Variants in KIRREL3 observed in about 807,000 individuals in gnomAD.
The protein encoded by KIRREL3 is kin of IRRE-like protein 3.
KIRREL3 carries 36 observed loss-of-function variants against 89.7 expected under a neutral mutation model. The observed-to-expected ratio is 0.40, with a 90% CI of 0.31 to 0.53. The LOEUF (loss-of-function observed/expected upper bound fraction) is 0.53, where lower values mean the gene tolerates loss of function less well. KIRREL3 is among the 20% of genes least tolerant of loss of function. The pLI, the probability that KIRREL3 is intolerant of heterozygous loss-of-function variation, is 0.49. For missense variants in KIRREL3, 864 were observed against 1,056.6 expected (o/e 0.82, Z 2.53); for synonymous variants, 445 against 441.4 (o/e 1.01, Z -0.10).
chr11:126,689,042 A>AAGAGAG lies in KIRREL3; in HGVS notation c.56-126136_56-126131dup, dbSNP rs58257040. On this transcript the variant is annotated intron_variant, in intron 1 of 16. Transcript: ENST00000525144. This position sits in a 1 kb window ranked among gnomAD's most constrained non-coding sequence, Gnocchi z 5.2. ...ATGTGTGTGTGTGTAAGGGGGAGAG[A>AAGAGAG]AGAGAGAGAGAGAGAGAGAGAGAGA... Among the ~76,000 whole-genome samples, 2,757 of 129,748 alleles carry AAGAGAG rather than the reference A, an allele frequency of 0.021. 72 individuals carry two copies. Among genetic ancestry groups the AAGAGAG allele is most frequent in the East Asian group, 0.062 (267 of 4,338 alleles). 85.1% of individuals were successfully genotyped at this position (129,748 alleles called of 152,430 possible).
At chr11:126,810,165 A>G (rs1951333290) in intron 1 of KIRREL3, among the ~76,000 whole-genome samples, 1 of 152,164 alleles carries the variant, frequency 6.6e-6, no homozygotes, top group Admixed American at 6.5e-5. Flanking sequence ...CTAAGAGCAT[A>G]TAGTTCACAT....
Position 126,769,531 on chromosome 11 carries a change from T to C in KIRREL3, c.56-206619A>G, listed in dbSNP as rs763140251. Among the ~76,000 whole-genome samples the C allele has an allele frequency of 6.6e-6, 1 of 152,266 alleles. No individual in the cohort carries two copies. Among genetic ancestry groups the C allele is most frequent in the Non-Finnish European group, 1.5e-5 (1 of 68,038 alleles). On this transcript the variant is annotated intron_variant, in intron 1 of 16. Coordinates refer to ENST00000525144, the MANE Select transcript of KIRREL3 (RefSeq NM_032531.4). The surrounding 1 kb of genome is among the most constrained non-coding windows in gnomAD (Gnocchi z 4.3). ...TGAGAACGATAGGTATTGATTTGCA[T>C]ATGATATTCATGCATTTTGCATATT...
intron 1 of KIRREL3, among the ~76,000 whole-genome samples, chr11:126,979,954 C>T (rs892885953): frequency 2.6e-5 from 4 of 152,142 alleles, no homozygotes; most frequent in African/African-American, 9.7e-5. Context: ...ATTAGAGTTT[C>T]TCTCCTTATA....
intron 1 of KIRREL3, among the ~76,000 whole-genome samples, chr11:126,961,862 G>A (rs1949097761): frequency 1.3e-5 from 2 of 152,222 alleles, no homozygotes; most frequent in African/African-American, 4.8e-5. Flanking sequence ...TTAAGTTAAA[G>A]CCAATGCTCA....
At position 126,969,193 on chromosome 11, in the gene KIRREL3, T is replaced by A. The variant is rs959303632; in HGVS notation, c.55+31262A>T. On this transcript the variant is annotated intron_variant, in intron 1 of 16. Coordinates refer to ENST00000525144, the MANE Select transcript of KIRREL3 (RefSeq NM_032531.4). The surrounding 1 kb of genome is among the most constrained non-coding windows in gnomAD (Gnocchi z 4.9). ...CGAAAACAGGCCTGGGGCAAAAGAG[T>A]CCGTAGATACCGCAGTCAAGGGGCG... Among the ~76,000 whole-genome samples, 7 of 150,926 alleles carry A rather than the reference T, an allele frequency of 4.6e-5. No homozygotes were observed. Among genetic ancestry groups the A allele is most frequent in the African/African-American group, 9.8e-5 (4 of 40,962 alleles).
rs1950223408 is a variant in KIRREL3, at chr11:126,778,162, A to T, written c.56-215250T>A. 6.6e-6 allele frequency among the ~76,000 whole-genome samples: 1 copy of T among 152,204 alleles called. No homozygotes were observed. The highest frequency in any genetic ancestry group is 1.5e-5 in the Non-Finnish European group (1 of 68,032). Reference sequence around the variant, plus strand: ...CATTTAACATTTCAGTGGATATCCTACACCCTTTCTAGGGTTGTATATTCA... The same window carrying T: ...CATTTAACATTTCAGTGGATATCCTTCACCCTTTCTAGGGTTGTATATTCA... On this transcript the variant is annotated intron_variant, in intron 1 of 16. Coordinates refer to ENST00000525144, the MANE Select transcript of KIRREL3 (RefSeq NM_032531.4). This position sits in a 1 kb window ranked among gnomAD's most constrained non-coding sequence, Gnocchi z 4.5.
chr11:126,435,347 G>A, intron 12 of KIRREL3, 44 bp from the exon 13 acceptor site: 1 of 1,604,492 alleles, frequency 6.2e-7, no homozygotes, highest in Middle Eastern at 1.7e-4. Context: ...GGCCTGGCTG[G>A]CCAGGGTGGG....
chr11:126,490,841 G>A lies in KIRREL3; in HGVS notation c.434-17375C>T, dbSNP rs548892926. Among the ~76,000 whole-genome samples, 37 of 152,280 alleles carry A rather than the reference G, an allele frequency of 2.4e-4. No homozygotes were observed. Among genetic ancestry groups the A allele is most frequent in the South Asian group, 1.9e-3 (9 of 4,822 alleles). ...AGCAGAGCCGGCAGTAGCATTTGGA[G>A]TCAAATAGGAAGACGCCACTGCTTC... On this transcript the variant is annotated intron_variant, in intron 4 of 16. Coordinates refer to ENST00000525144, the MANE Select transcript of KIRREL3 (RefSeq NM_032531.4). This position sits in a 1 kb window ranked among gnomAD's most constrained non-coding sequence, Gnocchi z 4.2.
intron 1 of KIRREL3, among the ~76,000 whole-genome samples, chr11:126,793,719 C>G (rs763556427): frequency 3.4e-4 from 52 of 152,178 alleles, no homozygotes; most frequent in Non-Finnish European, 2.9e-4. Flanking sequence ...AAGGAAAATG[C>G]GTAAATGATT....
At position 126,653,282 on chromosome 11, in the gene KIRREL3, C is replaced by T. The variant is rs926917677; in HGVS notation, c.56-90370G>A. On this transcript the variant is annotated intron_variant, in intron 1 of 16. Transcript: ENST00000525144. The surrounding 1 kb of genome is among the most constrained non-coding windows in gnomAD (Gnocchi z 5.4). ...CGGCTTTGCAGAGGCAGAGGAACGACTGACTTGCTCAGTGAAGGATGGGCA... is the reference window on the plus strand; with the variant it reads ...CGGCTTTGCAGAGGCAGAGGAACGATTGACTTGCTCAGTGAAGGATGGGCA... 6.6e-6 allele frequency among the ~76,000 whole-genome samples: 1 copy of T among 152,190 alleles called. No individual in the cohort carries two copies. The highest frequency in any genetic ancestry group is 1.5e-5 in the Non-Finnish European group (1 of 68,046).
At chr11:126,582,408 T>C (rs140402267) in intron 1 of KIRREL3, among the ~76,000 whole-genome samples, 250 of 152,350 alleles carry the variant, frequency 1.6e-3, no homozygotes, top group Non-Finnish European at 2.6e-3. Context: ...TCAGAACGCA[T>C]TCCCCTGATG....
At chr11:126,695,764 A>C (rs1474513653) in intron 1 of KIRREL3, among the ~76,000 whole-genome samples, 1 of 152,200 alleles carries the variant, frequency 6.6e-6, no homozygotes, top group African/African-American at 2.4e-5. Context: ...GGAAGGAGGC[A>C]GGGAGAGGGA....
rs1040986755 is a variant in KIRREL3, at chr11:126,811,887, A to G, written c.55+188568T>C. Reference sequence around the variant, plus strand: ...CAGGTGTGAGCCACTGTGCCTGGCCAGCAATGAACTTCTAAGAGAAATCAG... The same window carrying G: ...CAGGTGTGAGCCACTGTGCCTGGCCGGCAATGAACTTCTAAGAGAAATCAG... On this transcript the variant is annotated intron_variant, in intron 1 of 16. Transcript: ENST00000525144. The surrounding 1 kb of genome is among the most constrained non-coding windows in gnomAD (Gnocchi z 4.3). Among the ~76,000 whole-genome samples, 4 of 152,164 alleles carry G rather than the reference A, an allele frequency of 2.6e-5. No homozygotes were observed. The highest frequency in any genetic ancestry group is 5.9e-5 in the Non-Finnish European group (4 of 68,028).
At chr11:126,926,857 C>A (rs1238628775) in intron 1 of KIRREL3, among the ~76,000 whole-genome samples, 1 of 152,106 alleles carries the variant, frequency 6.6e-6, no homozygotes, top group African/African-American at 2.4e-5. Context: ...ATTTTTCCCC[C>A]ATTTTAGTGG....
intron 1 of KIRREL3, among the ~76,000 whole-genome samples, chr11:126,824,867 T>A (rs1943351839): frequency 1.3e-5 from 2 of 152,224 alleles, no homozygotes; most frequent in African/African-American, 2.4e-5. Flanking sequence ...TGATTTACAC[T>A]GTCGGAGGTA....
At position 126,953,218 on chromosome 11, in the gene KIRREL3, C is replaced by A. The variant is rs1948819602; in HGVS notation, c.55+47237G>T. ...TGAAACTGGAAACCATCATTCTCAG[C>A]AAACTAACACAGGAACAGAAAACCA... On this transcript the variant is annotated intron_variant, in intron 1 of 16. Coordinates refer to ENST00000525144, the MANE Select transcript of KIRREL3 (RefSeq NM_032531.4). This position sits in a 1 kb window ranked among gnomAD's most constrained non-coding sequence, Gnocchi z 5.2. 2.0e-5 allele frequency among the ~76,000 whole-genome samples: 3 copies of A among 151,744 alleles called. No homozygotes were observed. The highest frequency in any genetic ancestry group is 2.0e-4 in the Admixed American group (3 of 15,210).
Position 126,424,954 on chromosome 11 carries a change from A to G in KIRREL3, c.1963T>C (p.Ser655Pro). 2.5e-6 allele frequency: 4 copies of G among 1,593,346 alleles called. No individual in the cohort carries two copies. The highest frequency in any genetic ancestry group is 2.2e-5 in the East Asian group (1 of 44,544). The change falls in exon 17 of 17, where the codon TCC (serine) becomes CCC (proline). Residue 655 changes from serine to proline, a missense_variant. Transcript: ENST00000525144. ...GGACGCAGGTCGGGCTGGCAGCTGG[A>G]GAGGGAGATGGTCGGGGTTGAGTGG... ...EHHSTPTISLSSCQPDLRPAG... is the reference protein window; with the variant it reads ...EHHSTPTISLPSCQPDLRPAG...
intron 1 of KIRREL3, among the ~76,000 whole-genome samples, chr11:126,717,487 A>G (rs3909727): frequency 0.8 from 121,166 of 151,608 alleles, 49,006 homozygotes; most frequent in East Asian, 0.99. Flanking sequence ...AGATGCTTTG[A>G]AAGTTCTCGC....
At chr11:127,002,562 G>A (rs922815461), upstream of KIRREL3, among the ~76,000 whole-genome samples, 7 of 152,170 alleles carry the variant, frequency 4.6e-5, no homozygotes, top group African/African-American at 1.7e-4. Context: ...CAGTAAGACT[G>A]AAAATAACTC....
Sources: gnomAD v4.1 joint callset for allele counts (sites outside exome capture counted in the v4.1 genomes callset) on GRCh38, gnomAD v4.1.1 for gene constraint, Gnocchi (gnomAD v3.1) non-coding constraint, MANE v1.5 for transcripts, NCBI Gene and HGNC (gene_info 2026-07-23, HGNC 2026-07-21) for gene names.